Variants in BAIAP2 observed in about 807,000 individuals in gnomAD.
BAIAP2 encodes the protein BAR/IMD domain containing adaptor protein 2.
In BAIAP2, 18 loss-of-function variants were observed where a neutral mutation model predicts 63.0. The observed-to-expected ratio is 0.29, with a 90% CI of 0.20 to 0.42. The LOEUF is 0.42. BAIAP2 is among the 10% of genes least tolerant of loss of function. The pLI, the probability that BAIAP2 is intolerant of heterozygous loss-of-function variation, is 1.00. For synonymous variants in BAIAP2, 386 were observed against 307.6 expected (o/e 1.25, Z -2.67); for missense variants, 610 against 734.3 (o/e 0.83, Z 1.96).
At chr17:81,044,237 G>T (rs1193523445) in intron 1 of BAIAP2, among the ~76,000 whole-genome samples, 2 of 152,272 alleles carry the variant, frequency 1.3e-5, no homozygotes, top group Non-Finnish European at 2.9e-5. Flanking sequence ...AGACCGGCCA[G>T]TGCCTTCACA....
intron 6 of BAIAP2, among the ~76,000 whole-genome samples, chr17:81,089,693 C>G (rs2056380521): frequency 6.6e-6 from 1 of 152,136 alleles, no homozygotes; most frequent in Non-Finnish European, 1.5e-5. Flanking sequence ...TGGGCCAGAC[C>G]CCGGAGCCCG....
chr17:81,057,974 C>CG lies in BAIAP2; in HGVS notation c.217+7_217+8insG. ...CAGGGCTCCAAAGAACTCGGTGAGA[C>CG]CCCCCCCCCCCCCCCGCCTGGTAGT... On this transcript the variant is annotated splice_region_variant and intron_variant, in intron 3 of 13. Coordinates refer to ENST00000428708, the MANE Select transcript of BAIAP2 (RefSeq NM_001144888.2). The CG allele has an allele frequency of 1.8e-5, 1 of 56,658 alleles. No individual in the cohort carries two copies. Among genetic ancestry groups the CG allele is most frequent in the Non-Finnish European group, 2.3e-5 (1 of 43,258 alleles). 3.5% of individuals were successfully genotyped at this position (56,658 alleles called of 1,614,324 possible). A position where few individuals can be genotyped will look rare whatever the true frequency, so the allele number is the denominator to read the frequency against.
chr17:81,095,408 G>A (rs1017742016), intron 6 of BAIAP2, among the ~76,000 whole-genome samples: 11 of 152,244 alleles, frequency 7.2e-5, no homozygotes, highest in Middle Eastern at 3.4e-3. Context: ...TCTCCTCCCC[G>A]TCCCCGCACC....
chr17:81,096,033 C>A (rs1004014674), intron 6 of BAIAP2, among the ~76,000 whole-genome samples: 10 of 152,076 alleles, frequency 6.6e-5, no homozygotes, highest in Non-Finnish European at 1.2e-4. Context: ...TGGAAGGTGC[C>A]GTTCTCAGGG....
intron 3 of BAIAP2, among the ~76,000 whole-genome samples, chr17:81,078,022 G>A (rs1346284273): frequency 1.5e-5 from 2 of 131,734 alleles, no homozygotes; most frequent in Non-Finnish European, 3.2e-5. Context: ...GCACAGGTGC[G>A]GGTGCCATCT....
chr17:81,058,304 A>G (rs1183739331), intron 3 of BAIAP2, among the ~76,000 whole-genome samples: 1 of 152,198 alleles, frequency 6.6e-6, no homozygotes, highest in Non-Finnish European at 1.5e-5. Flanking sequence ...TCCTGGTATT[A>G]AAATGAGTGA....
At chr17:81,058,107 C>T (rs141703942) in intron 3 of BAIAP2, 140 bp downstream of exon 3, 2 of 724,554 alleles carry the variant, frequency 2.8e-6, no homozygotes, top group South Asian at 2.0e-5. Flanking sequence ...ATGACAGTCA[C>T]CCTGGGAGCT....
chr17:81,036,985 T>C, intron 1 of BAIAP2: 4 of 1,526,044 alleles, frequency 2.6e-6, no homozygotes, highest in Non-Finnish European at 3.5e-6. Flanking sequence ...GTGGTTTTGC[T>C]CTGGGGGACC....
In BAIAP2 at chr17:81,115,740, A is replaced by G. The variant is rs2060483864; in HGVS notation, c.1536-30A>G. 1.9e-6 allele frequency: 3 copies of G among 1,613,224 alleles called. 1 individual carries two copies. In the South Asian group the frequency reaches 3.3e-5, roughly 18 times the overall value. ...ACAATTCACCCATGGCTTCCGCCCT[A>G]AAAATTAAAACCACGTTTTTCTCTT... On this transcript the variant is annotated intron_variant, in intron 13 of 13. Transcript: ENST00000428708.
At chr17:81,079,769 A>C (rs1416782040) in intron 3 of BAIAP2, among the ~76,000 whole-genome samples, 1 of 152,138 alleles carries the variant, frequency 6.6e-6, no homozygotes, top group African/African-American at 2.4e-5. Flanking sequence ...CTCAGCTTAC[A>C]TTTGAACCTC....
chr17:81,056,592 C>T lies in BAIAP2; in HGVS notation c.131-1289C>T, dbSNP rs1489652680. 6.6e-5 allele frequency: 10 copies of T among 152,552 alleles called. No homozygotes were observed. The East Asian group carries it at 7.7e-4, about 12-fold the overall frequency. The allele number at this position is 152,552 out of a possible 1,614,324, so 9.4% of individuals were successfully genotyped here. On this transcript the variant is annotated intron_variant, in intron 2 of 13. Transcript: ENST00000428708. ...CCCTCCTCTGGGTGAGCAGGCACTTCGGCCCTTTGATGCCACCAAGGCGTG... is the reference window on the plus strand; with the variant it reads ...CCCTCCTCTGGGTGAGCAGGCACTTTGGCCCTTTGATGCCACCAAGGCGTG...
intron 3 of BAIAP2, among the ~76,000 whole-genome samples, chr17:81,081,843 G>A (rs35048797): frequency 2.0e-5 from 3 of 152,132 alleles, no homozygotes; most frequent in African/African-American, 7.2e-5. Context: ...GGGGGCCATC[G>A]CTGGGCCCTG....
intron 6 of BAIAP2, among the ~76,000 whole-genome samples, chr17:81,094,158 C>G (rs1313474360): frequency 6.6e-6 from 1 of 152,150 alleles, no homozygotes; most frequent in Non-Finnish European, 1.5e-5. Context: ...CTGGGCCACT[C>G]GAACATCTTA....
chr17:81,055,732 A>C (rs1419709795), intron 2 of BAIAP2, among the ~76,000 whole-genome samples: 1 of 151,092 alleles, frequency 6.6e-6, no homozygotes, highest in Non-Finnish European at 1.5e-5. Flanking sequence ...CGCCCGGCTA[A>C]TTTTTTGTAT....
At chr17:81,044,224 G>A (rs927491908) in intron 1 of BAIAP2, among the ~76,000 whole-genome samples, 20 of 152,254 alleles carry the variant, frequency 1.3e-4, no homozygotes, top group African/African-American at 4.6e-4. Context: ...AGCCCAGCCC[G>A]AAAGACCGGC....
chr17:81,045,991 G>T (rs372073730), intron 1 of BAIAP2, among the ~76,000 whole-genome samples: 1 of 152,078 alleles, frequency 6.6e-6, no homozygotes, highest in Non-Finnish European at 1.5e-5. Context: ...CTCATGGCCT[G>T]GGGGGGCTCA....
chr17:81,087,278 G>T (rs1305205316), intron 6 of BAIAP2, among the ~76,000 whole-genome samples: 1 of 152,230 alleles, frequency 6.6e-6, no homozygotes, highest in Non-Finnish European at 1.5e-5. Context: ...CCTGGGGTGG[G>T]CAAGGTGTGG....
chr17:81,047,889 G>T lies in BAIAP2; in HGVS notation c.55-5779G>T, dbSNP rs562094802. Among the ~76,000 whole-genome samples the T allele has an allele frequency of 3.3e-5, 5 of 152,390 alleles. No homozygotes were observed. The East Asian group carries it at 9.6e-4, about 29-fold the overall frequency. ...AGCACATGGCCGCAGCACACACACG[G>T]ATATATGTGCATGCATGGGTCCATA... On this transcript the variant is annotated intron_variant, in intron 1 of 13. Coordinates refer to ENST00000428708, the MANE Select transcript of BAIAP2 (RefSeq NM_001144888.2).
rs757938751 is a variant in BAIAP2, at chr17:81,104,617, C to G, written c.1170C>G (p.Asn390Lys). The G allele has an allele frequency of 6.2e-7, 1 of 1,612,212 alleles. No homozygotes were observed. Residue 390 changes from asparagine to lysine, a missense_variant, in exon 10 of 14, where the codon AAC (asparagine) becomes AAG (lysine). This residue lies in a region of BAIAP2 where 67 missense variants were observed against 132.0 expected (regional missense o/e 0.51). Coordinates refer to ENST00000428708, the MANE Select transcript of BAIAP2 (RefSeq NM_001144888.2). The stretch of plus-strand genomic sequence containing the variant: ...TCTTCTCCCACGCTGCTGGGGACAA[C>G]AGCACCCTCCTGAGCTTCAAGGAGG... ...KAIFSHAAGD[N>K]STLLSFKEGD...
Sources: allele counts gnomAD v4.1 joint callset (sites outside exome capture counted in the v4.1 genomes callset), GRCh38; gene constraint gnomAD v4.1.1; regional missense constraint gnomAD v4.1.1; transcripts MANE v1.5; gene names NCBI Gene and HGNC (gene_info 2026-07-23, HGNC 2026-07-21).